ARHGEF9: variants seen among roughly 807,000 people sequenced by gnomAD.
ARHGEF9 encodes rho guanine nucleotide exchange factor 9.
In ARHGEF9, 2 loss-of-function variants were observed where a neutral mutation model predicts 41.3. The observed-to-expected ratio is 0.05, with a 90% CI of 0.02 to 0.15. The LOEUF is 0.15. ARHGEF9 is among the 10% of genes least tolerant of loss of function. The pLI is 1.00. For synonymous variants in ARHGEF9, 160 were observed against 154.4 expected, an observed-to-expected ratio of 1.04 and a Z score of -0.27; for missense variants, 225 against 424.7, an observed-to-expected ratio of 0.53 and a Z score of 4.13.
intron 8 of ARHGEF9, among the ~76,000 whole-genome samples, chrX:63,649,358 G>C (rs1556323025): frequency 9.1e-6 from 1 of 110,347 alleles, no homozygotes; most frequent in African/African-American, 3.3e-5. Flanking sequence ...ATAACGAAAT[G>C]AAGGCAGAAA....
chrX:63,700,261 C>T (rs1198623773), intron 3 of ARHGEF9, among the ~76,000 whole-genome samples: 4 of 111,786 alleles, frequency 3.6e-5, no homozygotes, highest in Non-Finnish European at 7.5e-5. Flanking sequence ...TGGATAACCC[C>T]AAAGGGTCAC....
intron 1 of ARHGEF9, among the ~76,000 whole-genome samples, chrX:63,728,543 C>T (rs1235076677): frequency 1.1e-4 from 12 of 112,497 alleles, no homozygotes; most frequent in Non-Finnish European, 1.3e-4. Flanking sequence ...GAAACACAAA[C>T]TTAAATGTAA....
intron 1 of ARHGEF9, among the ~76,000 whole-genome samples, chrX:63,738,541 C>T (rs1480164040): frequency 1.8e-5 from 2 of 111,106 alleles, no homozygotes; most frequent in Admixed American, 9.6e-5. Flanking sequence ...GAAAGTTCCT[C>T]TCCCCATTTT....
intron 1 of ARHGEF9, among the ~76,000 whole-genome samples, chrX:63,729,646 A>T (rs1393148948): frequency 8.9e-6 from 1 of 112,196 alleles, no homozygotes; most frequent in Non-Finnish European, 1.9e-5. Context: ...AAGCCAGAAG[A>T]TGGAGCAGCA....
chrX:63,719,611 T>G, intron 2 of ARHGEF9: 1 of 296,447 alleles, frequency 3.4e-6, no homozygotes, highest in Non-Finnish European at 5.9e-6. Context: ...GACTGTGTAA[T>G]GCAGAAAAGG....
intron 9 of ARHGEF9, chrX:63,641,289 T>G (rs2047612312): frequency 9.6e-6 from 1 of 104,478 alleles, no homozygotes; most frequent in South Asian, 4.5e-4. Flanking sequence ...GAGGCAGAGG[T>G]TGCAGTGAGC....
intron 3 of ARHGEF9, among the ~76,000 whole-genome samples, chrX:63,699,401 C>T (rs782790040): frequency 1.8e-5 from 2 of 111,839 alleles, no homozygotes; most frequent in Non-Finnish European, 3.8e-5. Flanking sequence ...GTTGTGTCCA[C>T]TGCTCCTATT....
chrX:63,718,766 G>T (rs782755842), intron 2 of ARHGEF9, among the ~76,000 whole-genome samples: 1 of 112,135 alleles, frequency 8.9e-6, no homozygotes, highest in East Asian at 2.8e-4. Flanking sequence ...TTCAAGCTTG[G>T]TTTACAGATG....
intron 1 of ARHGEF9, among the ~76,000 whole-genome samples, chrX:63,752,773 C>T (rs1373995449): frequency 8.9e-6 from 1 of 111,848 alleles, no homozygotes; most frequent in African/African-American, 3.3e-5. Context: ...TTTCAAAGGC[C>T]CCCTTCACAG....
chrX:63,706,205 G>T, intron 3 of ARHGEF9, 53 bp downstream of exon 3: 1 of 1,143,591 alleles, frequency 8.7e-7, no homozygotes, highest in Non-Finnish European at 1.2e-6. Context: ...GCAGGGCCCA[G>T]GAGGGTTGCT....
chrX:63,646,399 T>G (rs1236705746), intron 8 of ARHGEF9, among the ~76,000 whole-genome samples: 1 of 112,188 alleles, frequency 8.9e-6, no homozygotes, highest in Non-Finnish European at 1.9e-5. Flanking sequence ...CTTGAATTAA[T>G]TTTTGTATAA....
chrX:63,664,418 G>T (rs1420534906), intron 7 of ARHGEF9, among the ~76,000 whole-genome samples: 3 of 112,405 alleles, frequency 2.7e-5, no homozygotes, highest in African/African-American at 9.7e-5. Flanking sequence ...AGGGGGTGCA[G>T]AACTATAAAA....
intron 1 of ARHGEF9, chrX:63,755,801 C>T: frequency 2.7e-6 from 2 of 738,492 alleles, no homozygotes; most frequent in Non-Finnish European, 3.2e-6. Flanking sequence ...AAATCCAATT[C>T]TATTTGGCTT....
At chrX:63,655,356 A>T in intron 8 of ARHGEF9, 138 bp downstream of exon 8, 2 of 930,899 alleles carry the variant, frequency 2.1e-6, no homozygotes, top group Non-Finnish European at 3.0e-6. Context: ...AAAAGAACCT[A>T]ATAATAAGGA....
In ARHGEF9 at chrX:63,689,744, A is replaced by AAC. The variant is rs1204644927; in HGVS notation, c.582+7380_582+7381insGT. On this transcript the variant is annotated intron_variant, in intron 4 of 9. Transcript: ENST00000671741. ...CATTCTTGAAAACAGGCCATATGTT[A>AAC]GGCCATAAACAAATCTCAACAAATT... Among the ~76,000 whole-genome samples, 8 of 112,330 alleles carry AAC rather than the reference A, an allele frequency of 7.1e-5. No homozygotes were observed. In the East Asian group the frequency reaches 2.2e-3, roughly 31 times the overall value.
At chrX:63,645,013 G>T (rs782000885) in intron 8 of ARHGEF9, among the ~76,000 whole-genome samples, 1 of 109,437 alleles carries the variant, frequency 9.1e-6, no homozygotes, top group East Asian at 2.9e-4. Context: ...GGGCTCAAAC[G>T]ATCCTCCCAC....
chrX:63,678,531 G>C lies in ARHGEF9; in HGVS notation c.624C>G (p.His208Gln). 8.3e-7 allele frequency: 1 copy of C among 1,204,889 alleles called. No individual in the cohort carries two copies. The highest frequency in any genetic ancestry group is 1.1e-6 in the Non-Finnish European group (1 of 891,604). The change falls in exon 5 of 10, where the codon CAC (histidine) becomes CAG (glutamine). Residue 208 changes from histidine (H) to glutamine (Q), a missense_variant. Transcript: ENST00000671741. ...TGGAGAGCTCCATGCAAGCATCCAGGTGGTTGTTACAATACTCAGAGTATA... is the reference window on the plus strand; with the variant it reads ...TGGAGAGCTCCATGCAAGCATCCAGCTGGTTGTTACAATACTCAGAGTATA... ...FWIYSEYCNN[H>Q]LDACMELSKL...
chrX:63,658,866 C>T (rs1460372358), intron 7 of ARHGEF9, among the ~76,000 whole-genome samples: 2 of 112,137 alleles, frequency 1.8e-5, no homozygotes, highest in African/African-American at 6.5e-5. Flanking sequence ...TGGTATTTGT[C>T]ACCAAAATAA....
Position 63,684,883 on chromosome X carries a change from C to T in ARHGEF9, c.583-6311G>A, listed in dbSNP as rs1215472025. On this transcript the variant is annotated intron_variant, in intron 4 of 9. Coordinates refer to ENST00000671741, the MANE Select transcript of ARHGEF9 (RefSeq NM_001353921.2). ...AAATAATCCAGTCACAGAAAGAAAA[C>T]TACTGCATGATTTCACTTATATGTG... Among the ~76,000 whole-genome samples, 13 of 107,862 alleles carry T rather than the reference C, an allele frequency of 1.2e-4. No individual in the cohort carries two copies. In the Admixed American group the frequency reaches 1.3e-3, roughly 11 times the overall value. 93.7% of individuals were successfully genotyped at this position (107,862 alleles called of 115,157 possible).
Sources: gnomAD v4.1 joint callset for allele counts (sites outside exome capture counted in the v4.1 genomes callset) on GRCh38, gnomAD v4.1.1 for gene constraint, MANE v1.5 for transcripts, NCBI Gene and HGNC (gene_info 2026-07-23, HGNC 2026-07-21) for gene names.